The following RAB7A variants were observed in gnomAD, a reference collection of about 807,000 sequenced individuals.
The protein encoded by RAB7A is ras-related protein Rab-7a.
A neutral mutation model predicts 24.5 loss-of-function variants in RAB7A; 2 were observed. The observed-to-expected ratio is 0.08, with a 90% CI of 0.03 to 0.26. The LOEUF is 0.26. Among genes scored for constraint, RAB7A ranks in the 10% least tolerant of loss-of-function variants. The probability of loss-of-function intolerance (pLI) is 1.00; values close to 1 mark genes in which losing one functional copy is unlikely to be tolerated. For missense variants in RAB7A, 118 were observed against 255.7 expected (o/e 0.46, Z 3.67); for synonymous variants, 100 against 95.9 (o/e 1.04, Z -0.25).
chr3:128,779,787 G>A (rs1201103337), intron 1 of RAB7A, among the ~76,000 whole-genome samples: 1 of 152,164 alleles, frequency 6.6e-6, no homozygotes, highest in Non-Finnish European at 1.5e-5. Context: ...AGGTCTTGCT[G>A]TGTTGCCCAG....
chr3:128,763,083 A>T (rs1485647074), intron 1 of RAB7A, among the ~76,000 whole-genome samples: 2 of 150,616 alleles, frequency 1.3e-5, no homozygotes, highest in African/African-American at 2.5e-5. Context: ...AGTGTCCCAC[A>T]TTCTAGGTTT....
At chr3:128,809,373 T>C (rs1453241547) in intron 5 of RAB7A, among the ~76,000 whole-genome samples, 1 of 152,216 alleles carries the variant, frequency 6.6e-6, no homozygotes, top group African/African-American at 2.4e-5. Context: ...TGCCGATCTT[T>C]GGGTGTGTAA....
chr3:128,766,106 C>T (rs2070828906), intron 1 of RAB7A, among the ~76,000 whole-genome samples: 1 of 152,188 alleles, frequency 6.6e-6, no homozygotes, highest in Non-Finnish European at 1.5e-5. Context: ...TAGGCTCCAA[C>T]ATACAAATTT....
At chr3:128,763,274 G>A (rs2070792281) in intron 1 of RAB7A, among the ~76,000 whole-genome samples, 1 of 143,472 alleles carries the variant, frequency 7.0e-6, no homozygotes, top group African/African-American at 2.7e-5. Flanking sequence ...GAGTGTAGTG[G>A]CGCGATCTCA....
At chr3:128,741,008 G>C (rs866390063) in intron 1 of RAB7A, among the ~76,000 whole-genome samples, 12 of 148,996 alleles carry the variant, frequency 8.1e-5, no homozygotes, top group South Asian at 4.2e-4. Context: ...AGAAATTTAA[G>C]TATATATAAT....
chr3:128,807,897 G>GCTGC lies in RAB7A; in HGVS notation c.528+228_528+231dup, dbSNP rs369598085. On this transcript the variant is annotated intron_variant, in intron 5 of 5. Coordinates refer to ENST00000265062, the MANE Select transcript of RAB7A (RefSeq NM_004637.6). Reference sequence around the variant, plus strand: ...AGATGCAGAGGCTGTGAAGTCTGAGGCTGCCCTTCTTTTACTAGGCTTGTT... The same window carrying GCTGC: ...AGATGCAGAGGCTGTGAAGTCTGAGGCTGCCTGCCCTTCTTTTACTAGGCTTGTT... Among the ~76,000 whole-genome samples, 493 of 152,308 alleles carry GCTGC rather than the reference G, an allele frequency of 3.2e-3. 2 individuals are homozygous for GCTGC. Among genetic ancestry groups the GCTGC allele is most frequent in the African/African-American group, 0.011 (463 of 41,558 alleles).
chr3:128,726,655 C>T lies in RAB7A; in HGVS notation c.-9+296C>T, dbSNP rs574014429. On this transcript the variant is annotated intron_variant, in intron 1 of 5. Transcript: ENST00000265062. ...TCAGAGACCCGAGAGGGTTCCTTGACTTGGGCGGCCCTGCGCCGCGGCAGG... is the reference window on the plus strand; with the variant it reads ...TCAGAGACCCGAGAGGGTTCCTTGATTTGGGCGGCCCTGCGCCGCGGCAGG... 6.6e-5 allele frequency among the ~76,000 whole-genome samples: 10 copies of T among 152,342 alleles called. No individual in the cohort carries two copies. The South Asian group carries it at 2.1e-3, about 32-fold the overall frequency.
chr3:128,764,279 C>G (rs974070258), intron 1 of RAB7A, among the ~76,000 whole-genome samples: 1 of 151,810 alleles, frequency 6.6e-6, no homozygotes, highest in Non-Finnish European at 1.5e-5. Context: ...AGCTTTGCTA[C>G]CGACAACTTT....
chr3:128,797,595 G>A (rs141009731), intron 2 of RAB7A, among the ~76,000 whole-genome samples: 20 of 152,322 alleles, frequency 1.3e-4, no homozygotes, highest in Non-Finnish European at 2.8e-4. Context: ...TGTTGGAATA[G>A]CAGAACAGTC....
intron 1 of RAB7A, among the ~76,000 whole-genome samples, chr3:128,782,432 A>G (rs995605936): frequency 6.6e-6 from 1 of 151,982 alleles, no homozygotes; most frequent in African/African-American, 2.4e-5. Flanking sequence ...TCCCAGCCTC[A>G]CAAGCAGCGT....
At chr3:128,777,005 C>G (rs1006590055) in intron 1 of RAB7A, among the ~76,000 whole-genome samples, 1 of 151,198 alleles carries the variant, frequency 6.6e-6, no homozygotes, top group Non-Finnish European at 1.5e-5. Context: ...AGTCATTTGT[C>G]TATTTTCTTC....
chr3:128,792,243 CTGTT>C (rs1330919715), intron 1 of RAB7A, among the ~76,000 whole-genome samples: 1 of 152,096 alleles, frequency 6.6e-6, no homozygotes, highest in Non-Finnish European at 1.5e-5. Context: ...AGTGTATTTC[CTGTT>C]TTTTTTCTTT....
intron 3 of RAB7A, among the ~76,000 whole-genome samples, chr3:128,801,336 A>T (rs973665338): frequency 1.3e-5 from 2 of 152,236 alleles, no homozygotes; most frequent in Non-Finnish European, 2.9e-5. Flanking sequence ...AAATTTTTTG[A>T]AAGAATTTAC....
At chr3:128,764,975 G>C in intron 1 of RAB7A, 1 of 1,596,058 alleles carries the variant, frequency 6.3e-7, no homozygotes, top group Non-Finnish European at 8.5e-7. Flanking sequence ...TCTGAGTCCT[G>C]GTGGTAGTTC....
intron 1 of RAB7A, among the ~76,000 whole-genome samples, chr3:128,771,508 G>A (rs1316924957): frequency 6.6e-6 from 1 of 152,164 alleles, no homozygotes; most frequent in Admixed American, 6.5e-5. Flanking sequence ...ATGGTAATAA[G>A]ATACCACTTA....
intron 1 of RAB7A, among the ~76,000 whole-genome samples, chr3:128,765,192 CCGACGACTCTCGG>C (rs1285700414): frequency 6.6e-6 from 1 of 152,156 alleles, no homozygotes; most frequent in Admixed American, 6.5e-5. Context: ...GCAGGAAACC[CCGACGACTCTCGG>C]CGAAGAATGT....
chr3:128,803,046 G>A (rs1576302224), intron 3 of RAB7A, among the ~76,000 whole-genome samples: 1 of 152,248 alleles, frequency 6.6e-6, no homozygotes, highest in East Asian at 1.9e-4. Flanking sequence ...CCGACCTCAG[G>A]TGATCCACCT....
intron 4 of RAB7A, among the ~76,000 whole-genome samples, chr3:128,806,834 A>G (rs1933813442): frequency 6.6e-6 from 1 of 152,154 alleles, no homozygotes; most frequent in South Asian, 2.1e-4. Flanking sequence ...TCTCAGCTTC[A>G]CTTCCCTTTC....
At chr3:128,773,236 C>A (rs2107601710) in intron 1 of RAB7A, among the ~76,000 whole-genome samples, 1 of 151,924 alleles carries the variant, frequency 6.6e-6, no homozygotes, top group African/African-American at 2.4e-5. Context: ...GCCCCTCCGC[C>A]CGGCAGCCGC....
Sources: gnomAD v4.1 joint callset for allele counts (sites outside exome capture counted in the v4.1 genomes callset) on GRCh38, gnomAD v4.1.1 for gene constraint, MANE v1.5 for transcripts, NCBI Gene and HGNC (gene_info 2026-07-23, HGNC 2026-07-21) for gene names.